The following PCDH15 variants were observed in gnomAD, a reference collection of about 807,000 sequenced individuals.
PCDH15 encodes protocadherin-15.
Under a neutral mutation model 178.5 loss-of-function variants are expected in PCDH15, and 129 were observed. The observed-to-expected ratio is 0.72, with a 90% CI of 0.63 to 0.84. The LOEUF (loss-of-function observed/expected upper bound fraction) is 0.84, where lower values mean the gene tolerates loss of function less well. Ranked by LOEUF, PCDH15 falls within the 40% of genes least tolerant of loss-of-function variation. The pLI, the probability that PCDH15 is intolerant of heterozygous loss-of-function variation, is 0.00. For missense variants in PCDH15, 2,230 were observed against 2,099.9 expected (o/e 1.06, Z -1.21); for synonymous variants, 800 against 732.0 (o/e 1.09, Z -1.50).
At chr10:54,496,766 T>A (rs2080155297) in intron 3 of PCDH15, among the ~76,000 whole-genome samples, 1 of 152,148 alleles carries the variant, frequency 6.6e-6, no homozygotes, top group African/African-American at 2.4e-5. Context: ...AAAGTTTTAA[T>A]GGAAAAATTT....
intron 1 of PCDH15, among the ~76,000 whole-genome samples, chr10:54,704,723 G>A (rs572410468): frequency 6.6e-5 from 10 of 152,270 alleles, no homozygotes; most frequent in Middle Eastern, 3.4e-3. Flanking sequence ...TACCTTGCTG[G>A]TGGGAATGTA....
At chr10:54,277,177 A>G (rs2058396330) in intron 8 of PCDH15, among the ~76,000 whole-genome samples, 2 of 151,616 alleles carry the variant, frequency 1.3e-5, no homozygotes, top group African/African-American at 4.8e-5. Context: ...AATAACCTTC[A>G]GGAAAAAAGG....
intron 3 of PCDH15, among the ~76,000 whole-genome samples, chr10:54,859,760 G>A (rs1438273575): frequency 1.3e-5 from 2 of 151,500 alleles, no homozygotes; most frequent in African/African-American, 4.8e-5. Context: ...CAATAAATTT[G>A]CTATGCTGAT....
chr10:53,859,293 TTGGGAGAAAGCTCCTGG>T (rs1310471155), intron 27 of PCDH15, among the ~76,000 whole-genome samples: 2 of 152,126 alleles, frequency 1.3e-5, no homozygotes, highest in Non-Finnish European at 2.9e-5. Flanking sequence ...CCACCATCTG[TTGGGAGAAAGCTCCTGG>T]ACCATGATGT....
chr10:54,234,940 C>T (rs1032352414), intron 9 of PCDH15, among the ~76,000 whole-genome samples: 9 of 152,272 alleles, frequency 5.9e-5, no homozygotes, highest in African/African-American at 9.6e-5. Context: ...AGTTTCTGCT[C>T]TGTTCTTATC....
At chr10:54,435,787 G>A (rs991793714) in intron 3 of PCDH15, among the ~76,000 whole-genome samples, 2 of 151,958 alleles carry the variant, frequency 1.3e-5, no homozygotes, top group African/African-American at 2.4e-5. Context: ...TGGCTAACAC[G>A]GTGAAACCCC....
chr10:54,459,237 T>C (rs892859098), intron 3 of PCDH15, among the ~76,000 whole-genome samples: 1 of 152,128 alleles, frequency 6.6e-6, no homozygotes, highest in Admixed American at 6.6e-5. Flanking sequence ...TTTGGACACC[T>C]GCGACAGGAA....
intron 2 of PCDH15, among the ~76,000 whole-genome samples, chr10:54,899,747 G>A (rs989678672): frequency 6.6e-6 from 1 of 151,874 alleles, no homozygotes; most frequent in Admixed American, 6.6e-5. Flanking sequence ...CGTCCACCTC[G>A]GCCTCCCAAA....
chr10:54,588,510 G>A (rs1038934105), intron 2 of PCDH15, among the ~76,000 whole-genome samples: 1 of 152,134 alleles, frequency 6.6e-6, no homozygotes. Flanking sequence ...TTAAAGCTGT[G>A]TGAAGATATG....
intron 1 of PCDH15, among the ~76,000 whole-genome samples, chr10:54,698,855 T>C (rs895154195): frequency 1.3e-5 from 2 of 152,112 alleles, no homozygotes; most frequent in African/African-American, 4.8e-5. Context: ...TTTTTAACTA[T>C]TGCCAGTGTC....
intron 3 of PCDH15, among the ~76,000 whole-genome samples, chr10:54,847,610 C>T (rs762613991): frequency 2.6e-5 from 4 of 152,086 alleles, no homozygotes; most frequent in Non-Finnish European, 5.9e-5. Flanking sequence ...CCACACAATA[C>T]ACTTCAGGAC....
intron 20 of PCDH15, among the ~76,000 whole-genome samples, chr10:54,006,101 A>T (rs988175749): frequency 2.6e-5 from 4 of 152,152 alleles, no homozygotes; most frequent in African/African-American, 4.8e-5. Flanking sequence ...CATGGGAGAG[A>T]TTCTTTACTA....
intron 30 of PCDH15, 65 bp downstream of exon 30, chr10:53,831,250 C>T: frequency 1.4e-6 from 2 of 1,439,954 alleles, no homozygotes; most frequent in Admixed American, 1.7e-5. Flanking sequence ...AGCCATGTTA[C>T]CAGAGATGGT....
chr10:54,420,769 T>G (rs1387880022), intron 3 of PCDH15, among the ~76,000 whole-genome samples: 1 of 151,988 alleles, frequency 6.6e-6, no homozygotes, highest in African/African-American at 2.4e-5. Flanking sequence ...AAAAAGGAAA[T>G]ACTGAGAATA....
At chr10:54,283,653 C>CA (rs963239977) in intron 8 of PCDH15, among the ~76,000 whole-genome samples, 1 of 151,862 alleles carries the variant, frequency 6.6e-6, no homozygotes, top group Non-Finnish European at 1.5e-5. Context: ...AAAATACTAA[C>CA]AAAAAACATC....
At chr10:55,234,802 CTAAT>C (rs1416428411) in intron 1 of PCDH15, among the ~76,000 whole-genome samples, 1 of 151,818 alleles carries the variant, frequency 6.6e-6, no homozygotes, top group African/African-American at 2.4e-5. Context: ...ATAATTTTAC[CTAAT>C]TATTACAATG....
chr10:53,923,012 G>A (rs1451061874), intron 25 of PCDH15, among the ~76,000 whole-genome samples: 1 of 152,088 alleles, frequency 6.6e-6, no homozygotes, highest in Non-Finnish European at 1.5e-5. Flanking sequence ...GTGTGAACGT[G>A]GGAGGTGGAG....
intron 2 of PCDH15, among the ~76,000 whole-genome samples, chr10:55,104,484 T>A (rs967483475): frequency 2.0e-5 from 3 of 152,170 alleles, no homozygotes; most frequent in Non-Finnish European, 4.4e-5. Context: ...CAAATTTGAG[T>A]CCATGGGTAT....
At chr10:53,967,173 C>T (rs150380254) in intron 21 of PCDH15, among the ~76,000 whole-genome samples, 10 of 152,210 alleles carry the variant, frequency 6.6e-5, no homozygotes, top group East Asian at 3.9e-4. Context: ...TGGCTTCTCA[C>T]GAAATCTGAT....
Sources: allele counts gnomAD v4.1 joint callset (sites outside exome capture counted in the v4.1 genomes callset), GRCh38; gene constraint gnomAD v4.1.1; transcripts MANE v1.5; gene names NCBI Gene and HGNC (gene_info 2026-07-23, HGNC 2026-07-21).